The following PCLO variants were observed in gnomAD, a reference collection of about 807,000 sequenced individuals.
PCLO encodes protein piccolo.
In PCLO, 82 loss-of-function variants were observed where a neutral mutation model predicts 427.5. The observed-to-expected ratio is 0.19, with a 90% CI of 0.16 to 0.23. The LOEUF (loss-of-function observed/expected upper bound fraction) is 0.23, where lower values mean the gene tolerates loss of function less well. PCLO is among the 10% of genes least tolerant of loss of function. The pLI is 1.00. For synonymous variants in PCLO, 2,357 were observed against 2,155.4 expected (o/e 1.09, Z -2.59); for missense variants, 6,239 against 6,115.9 (o/e 1.02, Z -0.67).
chr7:82,829,932 G>A (rs1792050416), intron 16 of PCLO, among the ~76,000 whole-genome samples: 1 of 151,904 alleles, frequency 6.6e-6, no homozygotes, highest in South Asian at 2.1e-4. Context: ...TGTCAAGATA[G>A]ATACATCTTG....
chr7:83,053,184 C>T (rs1583961497), intron 3 of PCLO, among the ~76,000 whole-genome samples: 1 of 151,848 alleles, frequency 6.6e-6, no homozygotes, highest in South Asian at 2.1e-4. Flanking sequence ...TCCTGAGACA[C>T]ATCCCATCTC....
chr7:82,948,856 GAAATA>G (rs1220904464), intron 6 of PCLO, among the ~76,000 whole-genome samples: 2 of 152,140 alleles, frequency 1.3e-5, no homozygotes, highest in African/African-American at 2.4e-5. Context: ...AAAGTTGCCA[GAAATA>G]AAATAAGCAT....
At chr7:82,918,726 T>G (rs960658906) in intron 6 of PCLO, among the ~76,000 whole-genome samples, 1 of 152,060 alleles carries the variant, frequency 6.6e-6, no homozygotes, top group African/African-American at 2.4e-5. Context: ...TTTGAAAATT[T>G]AAAATGTTTA....
At chr7:83,052,437 G>A (rs1789278444) in intron 3 of PCLO, among the ~76,000 whole-genome samples, 1 of 151,988 alleles carries the variant, frequency 6.6e-6, no homozygotes, top group Admixed American at 6.6e-5. Context: ...TTGAGCTCAG[G>A]TGTTACTTAA....
At chr7:83,080,895 G>T (rs766854359) in intron 3 of PCLO, among the ~76,000 whole-genome samples, 1 of 151,422 alleles carries the variant, frequency 6.6e-6, no homozygotes, top group African/African-American at 2.4e-5. Flanking sequence ...TTATAAATTA[G>T]GCATGGTAAG....
At chr7:83,021,245 C>A (rs1788335535) in intron 3 of PCLO, among the ~76,000 whole-genome samples, 2 of 152,268 alleles carry the variant, frequency 1.3e-5, no homozygotes, top group East Asian at 3.9e-4. Context: ...ATTTGGCTGC[C>A]CTGTAATCAT....
intron 2 of PCLO, among the ~76,000 whole-genome samples, chr7:83,145,934 T>G (rs1791983517): frequency 6.6e-6 from 1 of 152,226 alleles, no homozygotes; most frequent in African/African-American, 2.4e-5. Context: ...AGCACCATCT[T>G]ATGATTAATT....
At chr7:83,037,989 T>TTTTATA (rs1437975363) in intron 3 of PCLO, among the ~76,000 whole-genome samples, 7 of 13,596 alleles carry the variant, frequency 5.1e-4, no homozygotes, top group African/African-American at 1.9e-3. Context: ...AAGGAGGAGC[T>TTTTATA]TATATATATA....
chr7:82,955,300 T>C lies in PCLO; in HGVS notation c.5653A>G (p.Lys1885Glu). 6.2e-7 allele frequency: 1 copy of C among 1,613,472 alleles called. No homozygotes were observed. Among genetic ancestry groups the C allele is most frequent in the African/African-American group, 1.3e-5 (1 of 74,962 alleles). ...EKIIEVQKVY[K>E]LPTAVSLYSP... Reference sequence around the variant, plus strand: ...TATAATGAAACAGCTGTGGGCAATTTATAAACTTTTTGTACTTCTATTATT... The same window carrying C: ...TATAATGAAACAGCTGTGGGCAATTCATAAACTTTTTGTACTTCTATTATT... The change falls in exon 5 of 25, where the codon AAA becomes GAA. Residue 1885 changes from lysine (K) to glutamate (E), a missense_variant. By Grantham distance (56) the Lys-to-Glu change is moderately conservative. Around this residue, in one of 5 missense-constraint regions of PCLO, gnomAD observed 4,677 missense variants for 4,468.4 expected, o/e 1.05. Coordinates refer to ENST00000333891, the MANE Select transcript of PCLO (RefSeq NM_033026.6).
chr7:82,892,816 T>A (rs1158704196), intron 9 of PCLO, among the ~76,000 whole-genome samples: 5 of 151,888 alleles, frequency 3.3e-5, no homozygotes, highest in Non-Finnish European at 7.4e-5. Flanking sequence ...AAAAGACACA[T>A]GAAAAAATGC....
intron 1 of PCLO, among the ~76,000 whole-genome samples, chr7:83,160,367 T>C (rs559678811): frequency 1.3e-5 from 2 of 152,284 alleles, no homozygotes; most frequent in South Asian, 2.1e-4. Flanking sequence ...TTCAAATAAT[T>C]TGTGTATGCC....
chr7:82,930,341 C>G lies in PCLO; in HGVS notation c.11113-13468G>C, dbSNP rs925012404. ...GAGGGGAAACTACAGAGTGATATAA[C>G]AGACCATCTAGGGCCTTGAATGTCA... On this transcript the variant is annotated intron_variant, in intron 6 of 24. Transcript: ENST00000333891. 2.6e-5 allele frequency among the ~76,000 whole-genome samples: 4 copies of G among 152,124 alleles called. No individual in the cohort carries two copies. The East Asian group carries it at 5.8e-4, about 22-fold the overall frequency.
intron 6 of PCLO, among the ~76,000 whole-genome samples, chr7:82,945,186 C>A (rs375305301): frequency 6.6e-6 from 1 of 151,966 alleles, no homozygotes. Flanking sequence ...TCCATTTTTA[C>A]TCAGAGCTAA....
chr7:83,142,448 C>T (rs1314935393), intron 2 of PCLO, among the ~76,000 whole-genome samples: 1 of 152,150 alleles, frequency 6.6e-6, no homozygotes, highest in African/African-American at 2.4e-5. Context: ...ACTTTGGGCT[C>T]CTCTCATGTT....
intron 3 of PCLO, among the ~76,000 whole-genome samples, chr7:83,096,029 G>T (rs1210092755): frequency 7.1e-6 from 1 of 141,348 alleles, no homozygotes; most frequent in African/African-American, 2.6e-5. Flanking sequence ...TTTCTTCATA[G>T]ATATATTTGT....
At chr7:82,995,674 G>A (rs892417294) in intron 3 of PCLO, among the ~76,000 whole-genome samples, 3 of 151,876 alleles carry the variant, frequency 2.0e-5, no homozygotes, top group Admixed American at 6.6e-5. Context: ...TTGGACCCAA[G>A]GCTGCTACTT....
intron 3 of PCLO, among the ~76,000 whole-genome samples, chr7:82,977,408 AT>A (rs1401863584): frequency 6.9e-6 from 1 of 144,732 alleles, no homozygotes; most frequent in African/African-American, 2.5e-5. Flanking sequence ...TTATTTATTT[AT>A]TTATTTATTT....
chr7:82,955,839 G>A lies in PCLO; in HGVS notation c.5114C>T (p.Thr1705Ile), dbSNP rs1000697594. Reference protein sequence around the residue: ...EEPELEMESLTDSPEDRSRGE... With the variant: ...EEPELEMESLIDSPEDRSRGE... ...CCTTGACCTATCTTCAGGTGAGTCT[G>A]TCAGGCTTTCCATTTCCAATTCTGG... The change falls in exon 5 of 25, where the codon ACA (threonine) becomes ATA (isoleucine). Residue 1705 changes from threonine (T) to isoleucine (I), a missense_variant. By Grantham distance (89) the Thr-to-Ile change is moderately conservative. Transcript: ENST00000333891. 6 of 1,613,782 alleles carry A rather than the reference G, an allele frequency of 3.7e-6. No individual in the cohort carries two copies. The highest frequency in any genetic ancestry group is 4.2e-6 in the Non-Finnish European group (5 of 1,179,860).
intron 3 of PCLO, among the ~76,000 whole-genome samples, chr7:82,967,186 TTTC>T (rs1795795949): frequency 6.7e-6 from 1 of 148,696 alleles, no homozygotes; most frequent in South Asian, 2.1e-4. Context: ...AAACATTTTC[TTTC>T]TTCTTTTCTT....
Sources: gnomAD v4.1 joint callset for allele counts (sites outside exome capture counted in the v4.1 genomes callset) on GRCh38, gnomAD v4.1.1 for gene constraint, gnomAD v4.1.1 regional missense constraint, MANE v1.5 for transcripts, NCBI Gene and HGNC (gene_info 2026-07-23, HGNC 2026-07-21) for gene names.